The following SEPTIN6 variants were observed in gnomAD, a reference collection of about 807,000 sequenced individuals.
The protein encoded by SEPTIN6 is septin 6.
A neutral mutation model predicts 33.6 loss-of-function variants in SEPTIN6; 8 were observed. The observed-to-expected ratio is 0.24, with a 90% confidence interval of 0.14 to 0.43. SEPTIN6 has a LOEUF of 0.43. Ranked by LOEUF, SEPTIN6 falls within the 20% of genes least tolerant of loss-of-function variation. SEPTIN6 has a pLI of 1.00. For missense variants in SEPTIN6, 250 were observed against 340.8 expected (o/e 0.73, Z 2.10); for synonymous variants, 131 against 140.0 (o/e 0.94, Z 0.45).
chrX:119,664,111 G>A (rs755814379), intron 2 of SEPTIN6, among the ~76,000 whole-genome samples: 1 of 110,641 alleles, frequency 9.0e-6, no homozygotes, highest in Admixed American at 9.7e-5. Context: ...AGCCTCCCGA[G>A]TAGCTGGGAT....
chrX:119,663,459 C>G lies in SEPTIN6; in HGVS notation c.341+23G>C, dbSNP rs181745688. ...GCCCTCTACCAACCTCCCCACCCTA[C>G]CCCACCCCACCGCCTTCTTTACCTG... On this transcript the variant is annotated intron_variant, in intron 3 of 10. Transcript: ENST00000394610. 962 of 435,458 alleles carry G rather than the reference C, an allele frequency of 2.2e-3. 6 individuals are homozygous for G. The African/African-American group carries it at 0.023, about 10-fold the overall frequency. The allele number at this position is 435,458 out of a possible 1,213,427, so 35.9% of individuals were successfully genotyped here.
chrX:119,683,313 G>A (rs1431574941), intron 1 of SEPTIN6, among the ~76,000 whole-genome samples: 1 of 111,657 alleles, frequency 9.0e-6, no homozygotes, highest in Non-Finnish European at 1.9e-5. Flanking sequence ...CACTGAAACC[G>A]GACTCTCTTC....
intron 1 of SEPTIN6, among the ~76,000 whole-genome samples, chrX:119,690,765 A>ACACT (rs896157797): frequency 6.6e-4 from 70 of 106,347 alleles, no homozygotes; most frequent in Non-Finnish European, 1.1e-3. Flanking sequence ...TAAGCTAGCC[A>ACACT]CACTTAGGTT....
chrX:119,666,081 CAA>C (rs139368086), intron 2 of SEPTIN6, among the ~76,000 whole-genome samples: 7 of 73,117 alleles, frequency 9.6e-5, no homozygotes, highest in African/African-American at 1.5e-4. Flanking sequence ...GACTCCATCT[CAA>C]AAAAAAAAAA....
At chrX:119,629,257 G>A (rs2053914919) in intron 9 of SEPTIN6, 61 bp downstream of exon 9, 2 of 1,127,989 alleles carry the variant, frequency 1.8e-6, no homozygotes, top group Admixed American at 4.5e-5. Context: ...GCCACGTCCT[G>A]CCCTGGGAGG....
chrX:119,635,874 A>G (rs2054052650), intron 7 of SEPTIN6, among the ~76,000 whole-genome samples: 1 of 111,716 alleles, frequency 9.0e-6, no homozygotes, highest in Non-Finnish European at 1.9e-5. Flanking sequence ...CAGCACAAGA[A>G]TGCTTACATG....
chrX:119,640,221 A>G (rs1264756786), intron 6 of SEPTIN6, among the ~76,000 whole-genome samples: 1 of 81,639 alleles, frequency 1.2e-5, no homozygotes, highest in Non-Finnish European at 2.2e-5. Context: ...GGGTTTCACC[A>G]TGTTGGCCAG....
chrX:119,643,066 CTGAAAATGCTGCCCAAGGGCCTAAGCA>C (rs1384391873), intron 5 of SEPTIN6, among the ~76,000 whole-genome samples: 1 of 111,430 alleles, frequency 9.0e-6, no homozygotes, highest in Non-Finnish European at 1.9e-5. Flanking sequence ...CACTGAATTC[CTGAAAATGCTGCCCAAGGGCCTAAGCA>C]TGTCCAATCT....
intron 10 of SEPTIN6, among the ~76,000 whole-genome samples, chrX:119,624,605 G>C (rs2053831461): frequency 8.9e-6 from 1 of 111,758 alleles, no homozygotes; most frequent in Admixed American, 9.6e-5. Flanking sequence ...CCTGATGCAG[G>C]GGGATGGGAG....
chrX:119,663,751 A>G (rs1234525475), intron 2 of SEPTIN6, 74 bp from the exon 3 acceptor site: 1 of 839,471 alleles, frequency 1.2e-6, no homozygotes, highest in African/African-American at 2.0e-5. Context: ...TGTTTCATAT[A>G]CACATTTGTT....
chrX:119,631,423 G>A (rs1303167622), intron 8 of SEPTIN6, among the ~76,000 whole-genome samples: 1 of 109,957 alleles, frequency 9.1e-6, no homozygotes, highest in African/African-American at 3.3e-5. Flanking sequence ...CTTGTCATCC[G>A]CCCACCTTGG....
chrX:119,619,896 T>G lies in SEPTIN6; in HGVS notation c.*197A>C. On this transcript the variant is annotated 3_prime_UTR_variant, in exon 11 of 11. Coordinates refer to ENST00000394610, the MANE Select transcript of SEPTIN6 (RefSeq NM_145799.4). ...TGGCTTCTTGACCAGCGGCCAGACA[T>G]CACCCTCAGATTCTCAGGTTTCTAT... 9.0e-7 allele frequency: 1 copy of G among 1,107,801 alleles called. No homozygotes were observed. Among genetic ancestry groups the G allele is most frequent in the Non-Finnish European group, 1.2e-6 (1 of 846,939 alleles). 91.3% of individuals were successfully genotyped at this position (1,107,801 alleles called of 1,213,427 possible).
rs771168104 is a variant in SEPTIN6 at position 119,686,112 on chromosome X, T to C, written c.30+6964A>G. Among the ~76,000 whole-genome samples, 3 of 112,024 alleles carry C rather than the reference T, an allele frequency of 2.7e-5. 1 individual carries two copies. Among genetic ancestry groups the C allele is most frequent in the Non-Finnish European group, 5.6e-5 (3 of 53,182 alleles). On this transcript the variant is annotated intron_variant, in intron 1 of 10. Coordinates refer to ENST00000394610, the MANE Select transcript of SEPTIN6 (RefSeq NM_145799.4). ...GAGAGTTTTCTAGGTGTTCTGGCTA[T>C]TGTTACCTCCAATCTGCTAAAAAAG...
chrX:119,661,321 C>T (rs1248963021), intron 3 of SEPTIN6, among the ~76,000 whole-genome samples: 2 of 109,191 alleles, frequency 1.8e-5, no homozygotes, highest in Non-Finnish European at 3.8e-5. Flanking sequence ...GTCCCAGCTA[C>T]TCGGGAGGCT....
chrX:119,664,871 C>G (rs2054609240), intron 2 of SEPTIN6, among the ~76,000 whole-genome samples: 1 of 105,912 alleles, frequency 9.4e-6, no homozygotes, highest in African/African-American at 3.5e-5. Flanking sequence ...AGACAGCGGT[C>G]CCTTGTCAAA....
intron 1 of SEPTIN6, among the ~76,000 whole-genome samples, chrX:119,687,764 A>T (rs1454307102): frequency 8.9e-6 from 1 of 112,300 alleles, no homozygotes; most frequent in Non-Finnish European, 1.9e-5. Context: ...ATAGCACACA[A>T]AGGCAGTGGC....
chrX:119,627,425 GC>G (rs1413574404), intron 9 of SEPTIN6, among the ~76,000 whole-genome samples: 2 of 111,015 alleles, frequency 1.8e-5, no homozygotes, highest in Non-Finnish European at 3.8e-5. Flanking sequence ...GTATCCAGGA[GC>G]CACTGTTCTA....
chrX:119,657,623 C>T (rs1249104731), intron 3 of SEPTIN6, among the ~76,000 whole-genome samples: 1 of 111,480 alleles, frequency 9.0e-6, no homozygotes, highest in Admixed American at 9.6e-5. Context: ...AGCGATTCTC[C>T]TGCCTCAGCC....
chrX:119,684,778 C>T (rs748924487), intron 1 of SEPTIN6, among the ~76,000 whole-genome samples: 1 of 111,499 alleles, frequency 9.0e-6, no homozygotes, highest in African/African-American at 3.3e-5. Flanking sequence ...GGTGTGAGCC[C>T]CCGCACACAG....
Sources: gnomAD v4.1 joint callset for allele counts (sites outside exome capture counted in the v4.1 genomes callset) on GRCh38, gnomAD v4.1.1 for gene constraint, MANE v1.5 for transcripts, NCBI Gene and HGNC (gene_info 2026-07-23, HGNC 2026-07-21) for gene names.